The following AKR1B1 variants were observed in gnomAD, a reference collection of about 807,000 sequenced individuals.
AKR1B1 encodes the protein aldo-keto reductase family 1 member B1.
In AKR1B1, 22 loss-of-function variants were observed where a neutral mutation model predicts 40.4. The observed-to-expected ratio is 0.54, with a 90% CI of 0.39 to 0.78. The LOEUF (loss-of-function observed/expected upper bound fraction) is 0.78. Ranked by LOEUF, AKR1B1 falls within the 30% of genes least tolerant of loss-of-function variation. The pLI, the probability that AKR1B1 is intolerant of heterozygous loss-of-function variation, is 0.00. For synonymous variants in AKR1B1, 157 were observed against 149.9 expected (o/e 1.05, Z -0.35); for missense variants, 357 against 396.7 (o/e 0.90, Z 0.85).
chr7:134,449,566 AAC>A (rs1343683920), intron 4 of AKR1B1, 152 bp downstream of exon 4: 7 of 705,460 alleles, frequency 9.9e-6, no homozygotes, highest in Admixed American at 2.2e-5. Flanking sequence ...CAGCCTGGGC[AAC>A]AGAGGGAGAC....
chr7:134,444,431 G>C (rs2734660), intron 9 of AKR1B1, among the ~76,000 whole-genome samples: 3 of 152,262 alleles, frequency 2.0e-5, no homozygotes, highest in Non-Finnish European at 4.4e-5. Flanking sequence ...AGGGAGATGG[G>C]ACAGACGCTG....
At chr7:134,444,420 G>A (rs1806035413) in intron 9 of AKR1B1, among the ~76,000 whole-genome samples, 1 of 152,244 alleles carries the variant, frequency 6.6e-6, no homozygotes, top group Non-Finnish European at 1.5e-5. Flanking sequence ...AAACTCCGGG[G>A]AGGGAGATGG....
chr7:134,446,589 C>G (rs199532996), intron 8 of AKR1B1, among the ~76,000 whole-genome samples: 2 of 148,814 alleles, frequency 1.3e-5, no homozygotes, highest in African/African-American at 2.4e-5. Context: ...GTGCCCCCCC[C>G]CTCCCCCACA....
At position 134,452,904 on chromosome 7, in the gene AKR1B1, G is replaced by A. The variant is rs553817644; in HGVS notation, c.67-1151C>T. On this transcript the variant is annotated intron_variant, in intron 1 of 9. Transcript: ENST00000285930. ...CTCAGAGGGAGCAGCGAGGCAGGGT[G>A]GGGATGCTCATCGAAGGTGTGGGTT... Among the ~76,000 whole-genome samples, 9 of 152,320 alleles carry A rather than the reference G, an allele frequency of 5.9e-5. No individual in the cohort carries two copies. The South Asian group carries it at 1.9e-3, about 32-fold the overall frequency.
intron 1 of AKR1B1, among the ~76,000 whole-genome samples, chr7:134,452,722 G>A (rs1250859721): frequency 1.3e-5 from 2 of 152,208 alleles, no homozygotes; most frequent in East Asian, 1.9e-4. Flanking sequence ...TGGAGAGCTG[G>A]GGTAGAAACA....
intron 1 of AKR1B1, 129 bp from the exon 2 acceptor site, chr7:134,451,882 T>C (rs1806299960): frequency 2.6e-6 from 2 of 772,198 alleles, no homozygotes; most frequent in Admixed American, 2.1e-5. Context: ...CCACGTGCAC[T>C]TCCTCAGCAG....
intron 1 of AKR1B1, among the ~76,000 whole-genome samples, chr7:134,456,238 C>T (rs889637765): frequency 6.6e-6 from 1 of 152,056 alleles, no homozygotes. Context: ...CTTGCTCCAT[C>T]GCCCAGGCTG....
At chr7:134,447,095 C>T (rs1054300121) in intron 8 of AKR1B1, among the ~76,000 whole-genome samples, 1 of 152,110 alleles carries the variant, frequency 6.6e-6, no homozygotes, top group African/African-American at 2.4e-5. Flanking sequence ...CAGCACGGGG[C>T]CCTGGAGGCC....
At chr7:134,448,296 AG>A (rs1806167425) in intron 6 of AKR1B1, 90 bp downstream of exon 6, 5 of 734,190 alleles carry the variant, frequency 6.8e-6, no homozygotes, top group Non-Finnish European at 1.0e-5. Context: ...GATCACCCCC[AG>A]AAACATCTTC....
intron 1 of AKR1B1, among the ~76,000 whole-genome samples, chr7:134,454,919 T>C (rs1242405507): frequency 2.6e-5 from 4 of 152,236 alleles, no homozygotes; most frequent in African/African-American, 9.6e-5. Flanking sequence ...GAGATGTGCA[T>C]GGACCAGGAC....
chr7:134,448,435 C>G lies in AKR1B1; in HGVS notation c.611G>C (p.Gly204Ala). ...GGGGCTGTAGGCGGTCACCACGATG[C>G]CTTTGGACTGGCAGTACTGGATTAA... ...EKLIQYCQSK[G>A]IVVTAYSPLG... The change falls in exon 6 of 10, where the codon GGC (glycine) becomes GCC (alanine). Residue 204 changes from glycine (G) to alanine (A), a missense_variant. Gly to Ala is a moderately conservative substitution (Grantham distance 60). Coordinates refer to ENST00000285930, the MANE Select transcript of AKR1B1 (RefSeq NM_001628.4). The G allele has an allele frequency of 6.2e-7, 1 of 1,613,936 alleles. No individual in the cohort carries two copies. Among genetic ancestry groups the G allele is most frequent in the Non-Finnish European group, 8.5e-7 (1 of 1,179,898 alleles).
chr7:134,446,955 T>C (rs914814721), intron 8 of AKR1B1, among the ~76,000 whole-genome samples: 10 of 152,210 alleles, frequency 6.6e-5, no homozygotes, highest in African/African-American at 2.4e-4. Flanking sequence ...CCCAGGGTTA[T>C]GCAGCTGGTA....
intron 3 of AKR1B1, among the ~76,000 whole-genome samples, chr7:134,450,184 G>C (rs1806240755): frequency 6.6e-6 from 1 of 152,200 alleles, no homozygotes; most frequent in Non-Finnish European, 1.5e-5. Context: ...AGTCCCTTCA[G>C]CCCTGATATG....
chr7:134,456,026 G>A (rs1156485649), intron 1 of AKR1B1, among the ~76,000 whole-genome samples: 2 of 152,202 alleles, frequency 1.3e-5, no homozygotes, highest in South Asian at 2.1e-4. Context: ...CCAGAGCCCT[G>A]CTGAGGGTCT....
chr7:134,449,098 C>T lies in AKR1B1; in HGVS notation c.451G>A (p.Glu151Lys), dbSNP rs771990751. ...TWAAMEELVDEGLVKAIGISN... is the reference protein window; with the variant it reads ...TWAAMEELVDKGLVKAIGISN... ...ATGCCAATAGCTTTCACCAGCCCTT[C>T]ATCCACCAGCTCTTCCATGGCCTAC... Residue 151 changes from glutamate to lysine, a missense_variant, in exon 5 of 10, where the codon GAA (glutamate) becomes AAA (lysine). Coordinates refer to ENST00000285930, the MANE Select transcript of AKR1B1 (RefSeq NM_001628.4). 5.6e-6 allele frequency: 9 copies of T among 1,613,774 alleles called. No homozygotes were observed. Among genetic ancestry groups the T allele is most frequent in the African/African-American group, 1.3e-5 (1 of 74,902 alleles).
At chr7:134,445,412 A>G (rs1806064425) in intron 8 of AKR1B1, 92 bp from the exon 9 acceptor site, 5 of 1,000,288 alleles carry the variant, frequency 5.0e-6, no homozygotes, top group East Asian at 2.6e-5. Context: ...CATGGCTTTG[A>G]GCAGAGAGGA....
intron 2 of AKR1B1, 21 bp from the exon 3 acceptor site, chr7:134,450,923 A>T: frequency 1.9e-6 from 3 of 1,592,754 alleles, no homozygotes; most frequent in Non-Finnish European, 2.6e-6. Flanking sequence ...GAGAGGGCAC[A>T]TGTCATCATT....
chr7:134,454,014 T>C (rs1003515118), intron 1 of AKR1B1, among the ~76,000 whole-genome samples: 4 of 152,128 alleles, frequency 2.6e-5, no homozygotes, highest in Non-Finnish European at 2.9e-5. Context: ...GGGGTCCAGA[T>C]TGACTTCTAA....
chr7:134,444,828 A>C, intron 9 of AKR1B1: 1 of 316,340 alleles, frequency 3.2e-6, no homozygotes, highest in Non-Finnish European at 6.1e-6. Context: ...GACTGTCTCA[A>C]ACCTCAGCCC....
Sources: gnomAD v4.1 joint callset for allele counts (sites outside exome capture counted in the v4.1 genomes callset) on GRCh38, gnomAD v4.1.1 for gene constraint, MANE v1.5 for transcripts, NCBI Gene and HGNC (gene_info 2026-07-23, HGNC 2026-07-21) for gene names.